SLC25A21: variants seen among roughly 807,000 people sequenced by gnomAD.
The protein encoded by SLC25A21 is solute carrier family 25 member 21, also known as mitochondrial 2-oxodicarboxylate carrier.
SLC25A21 carries 47 observed loss-of-function variants against 43.8 expected under a neutral mutation model. That is an observed-to-expected ratio of 1.07 (90% confidence interval 0.85 to 1.37). The LOEUF (loss-of-function observed/expected upper bound fraction) is 1.37. Among genes scored for constraint, SLC25A21 ranks in the 40% most tolerant of loss-of-function variants. SLC25A21 has a pLI of 0.00. For synonymous variants in SLC25A21, 131 were observed against 121.3 expected, an observed-to-expected ratio of 1.08 and a Z score of -0.52; for missense variants, 352 against 350.2, an observed-to-expected ratio of 1.00 and a Z score of -0.04.
At chr14:36,988,111 C>A (rs1960185796) in intron 1 of SLC25A21, among the ~76,000 whole-genome samples, 1 of 152,206 alleles carries the variant, frequency 6.6e-6, no homozygotes, top group African/African-American at 2.4e-5. Context: ...GTGGAGAGCA[C>A]AGTCTCTGCC....
intron 4 of SLC25A21, among the ~76,000 whole-genome samples, 188 bp downstream of exon 4, chr14:36,734,319 A>C (rs1022591276): frequency 6.6e-6 from 1 of 152,210 alleles, no homozygotes. Flanking sequence ...TGATTAAAAA[A>C]ATCTACAAAT....
chr14:37,163,342 C>T (rs1010914818), intron 1 of SLC25A21, among the ~76,000 whole-genome samples: 3 of 151,844 alleles, frequency 2.0e-5, no homozygotes, highest in Admixed American at 1.3e-4. Flanking sequence ...GTTGTTTATG[C>T]TGCCCAGTTT....
chr14:36,983,945 C>T lies in SLC25A21; in HGVS notation c.71-108941G>A, dbSNP rs560016072. Among the ~76,000 whole-genome samples the T allele has an allele frequency of 7.9e-5, 12 of 152,124 alleles. No individual in the cohort carries two copies. In the South Asian group the frequency reaches 2.3e-3, roughly 29 times the overall value. On this transcript the variant is annotated intron_variant, in intron 1 of 9. Coordinates refer to ENST00000331299, the MANE Select transcript of SLC25A21 (RefSeq NM_030631.4). The stretch of plus-strand genomic sequence containing the variant: ...ATAAGTGAGAACTAAACAAGGGGTA[C>T]ACATGCATATAAAGACGGAAATAAT...
chr14:36,973,036 T>TTATTA (rs1959788517), intron 1 of SLC25A21, among the ~76,000 whole-genome samples: 1 of 151,132 alleles, frequency 6.6e-6, no homozygotes, highest in Admixed American at 6.6e-5. Context: ...TTATTTTATT[T>TTATTA]TATTTTATTT....
intron 2 of SLC25A21, among the ~76,000 whole-genome samples, chr14:36,846,995 C>T (rs552001713): frequency 1.1e-4 from 16 of 152,272 alleles, no homozygotes; most frequent in African/African-American, 3.1e-4. Context: ...TGAAAAGAAG[C>T]GTGGCCTACT....
At chr14:36,841,438 CT>C (rs1310978284) in intron 2 of SLC25A21, among the ~76,000 whole-genome samples, 2 of 152,114 alleles carry the variant, frequency 1.3e-5, no homozygotes, top group African/African-American at 2.4e-5. Context: ...CAAGGCTCCA[CT>C]TAGTCTGCCA....
chr14:36,862,413 G>T lies in SLC25A21; in HGVS notation c.119+12543C>A, dbSNP rs563431396. Among the ~76,000 whole-genome samples, 192 of 152,298 alleles carry T rather than the reference G, an allele frequency of 1.3e-3. 1 individual carries two copies. The highest frequency in any genetic ancestry group is 4.5e-3 in the African/African-American group (185 of 41,560). ...AGCAAATGTGGCACATATACACCAT[G>T]GAATACTATGCAGCCATAAAAAAGA... On this transcript the variant is annotated intron_variant, in intron 2 of 9. Transcript: ENST00000331299.
At chr14:36,890,444 G>A (rs185490988) in intron 1 of SLC25A21, among the ~76,000 whole-genome samples, 1 of 152,216 alleles carries the variant, frequency 6.6e-6, no homozygotes. Flanking sequence ...GGACATGATG[G>A]GGATGAGAAC....
At chr14:37,124,705 T>A (rs947510606) in intron 1 of SLC25A21, among the ~76,000 whole-genome samples, 12 of 152,164 alleles carry the variant, frequency 7.9e-5, no homozygotes, top group Non-Finnish European at 1.8e-4. Context: ...AAATTTCATG[T>A]AAATTGTAAT....
At chr14:37,082,964 C>T (rs1027460796) in intron 1 of SLC25A21, among the ~76,000 whole-genome samples, 1 of 152,198 alleles carries the variant, frequency 6.6e-6, no homozygotes, top group Non-Finnish European at 1.5e-5. Context: ...TCTATCTGAA[C>T]ACAGCATTAG....
At chr14:36,782,079 T>A (rs1241588861) in intron 3 of SLC25A21, among the ~76,000 whole-genome samples, 1 of 152,184 alleles carries the variant, frequency 6.6e-6, no homozygotes, top group African/African-American at 2.4e-5. Flanking sequence ...CCTGCAAGGT[T>A]TCTGTTGAGA....
At chr14:36,850,667 CA>C (rs1687140804) in intron 2 of SLC25A21, among the ~76,000 whole-genome samples, 2 of 152,080 alleles carry the variant, frequency 1.3e-5, no homozygotes, top group Admixed American at 6.5e-5. Flanking sequence ...TTATTTTCTC[CA>C]TATTACCTCT....
At chr14:37,038,819 G>T (rs1228478772) in intron 1 of SLC25A21, among the ~76,000 whole-genome samples, 1 of 152,252 alleles carries the variant, frequency 6.6e-6, no homozygotes, top group Admixed American at 6.5e-5. Context: ...AGATTCTTGT[G>T]CCTAAGATTT....
In SLC25A21 at chr14:36,679,445, G is replaced by GA; in HGVS notation, c.*1212dup. 1.0e-6 allele frequency: 1 copy of GA among 985,232 alleles called. No homozygotes were observed. Among genetic ancestry groups the GA allele is most frequent in the Non-Finnish European group, 1.2e-6 (1 of 829,866 alleles). 61.0% of individuals were successfully genotyped at this position (985,232 alleles called of 1,614,324 possible). Reference sequence around the variant, plus strand: ...GAAATAGCCCACGGTAGTAACTTAGGACAGGTGTCATATGGACTTTCAGTT... The same window carrying GA: ...GAAATAGCCCACGGTAGTAACTTAGGAACAGGTGTCATATGGACTTTCAGTT... On this transcript the variant is annotated 3_prime_UTR_variant, in exon 10 of 10. Coordinates refer to ENST00000331299, the MANE Select transcript of SLC25A21 (RefSeq NM_030631.4).
chr14:37,043,511 ATAT>A (rs1566838013), intron 1 of SLC25A21, among the ~76,000 whole-genome samples: 2 of 152,174 alleles, frequency 1.3e-5, no homozygotes, highest in African/African-American at 4.8e-5. Flanking sequence ...GTTCTGCCTA[ATAT>A]GATTCTGCCA....
At chr14:37,124,369 C>T (rs1035718832) in intron 1 of SLC25A21, among the ~76,000 whole-genome samples, 4 of 152,072 alleles carry the variant, frequency 2.6e-5, no homozygotes, top group Non-Finnish European at 5.9e-5. Flanking sequence ...TTCATATCAT[C>T]CTTTCCCGAG....
At chr14:36,691,028 C>T (rs910219977) in intron 7 of SLC25A21, among the ~76,000 whole-genome samples, 1 of 152,104 alleles carries the variant, frequency 6.6e-6, no homozygotes, top group African/African-American at 2.4e-5. Flanking sequence ...ATATTTAAGC[C>T]CCACAACATC....
In SLC25A21 at chr14:37,072,179, CA is replaced by C. The variant is rs36060373; in HGVS notation, c.70+100101del. On this transcript the variant is annotated intron_variant, in intron 1 of 9. Transcript: ENST00000331299. ...CCTGCGTGACAGAGTGAGACTGTCT[CA>C]AAAAAAAAAAAAAAAAAAAAGTGGA... 6.7e-3 allele frequency among the ~76,000 whole-genome samples: 532 copies of C among 79,008 alleles called. 2 individuals carry two copies. The highest frequency in any genetic ancestry group is 0.024 in the Middle Eastern group (3 of 124). 51.8% of individuals were successfully genotyped at this position (79,008 alleles called of 152,430 possible).
At chr14:37,023,033 T>TCAACA (rs1326666644) in intron 1 of SLC25A21, among the ~76,000 whole-genome samples, 3 of 151,986 alleles carry the variant, frequency 2.0e-5, no homozygotes, top group Admixed American at 6.6e-5. Flanking sequence ...CTGCAGGCCG[T>TCAACA]CAACACAACA....
Sources: gnomAD v4.1 joint callset for allele counts (sites outside exome capture counted in the v4.1 genomes callset) on GRCh38, gnomAD v4.1.1 for gene constraint, MANE v1.5 for transcripts, NCBI Gene and HGNC (gene_info 2026-07-23, HGNC 2026-07-21) for gene names.